CEP57: variants seen among roughly 807,000 people sequenced by gnomAD.
CEP57 encodes the protein centrosomal protein 57, also known as centrosomal protein of 57 kDa.
A neutral mutation model predicts 68.0 loss-of-function variants in CEP57; 40 were observed. The ratio of observed to expected loss-of-function variants is 0.59; its 90% confidence interval spans 0.46 to 0.77. The LOEUF (loss-of-function observed/expected upper bound fraction) is 0.77, where lower values mean the gene tolerates loss of function less well. CEP57 is among the 30% of genes least tolerant of loss of function. The pLI, the probability that CEP57 is intolerant of heterozygous loss-of-function variation, is 0.00. For missense variants in CEP57, 606 were observed against 580.7 expected, an observed-to-expected ratio of 1.04 and a Z score of -0.45; for synonymous variants, 219 against 198.7, an observed-to-expected ratio of 1.10 and a Z score of -0.86.
In CEP57 at chr11:95,827,942, G is replaced by A. The variant is rs1331172869; in HGVS notation, c.1042G>A (p.Val348Ile). ...SRGGKSKKLS[V>I]TPPSSNGINE... ...AGGTGGTAAAAGTAAGAAGTTGTCA[G>A]TAACACCTCCCTCCTCCAACGGTAT... Residue 348 changes from valine (V) to isoleucine (I), a missense_variant, in exon 9 of 11, where the codon GTA becomes ATA. Val to Ile is a conservative substitution (Grantham distance 29). Transcript: ENST00000325542. 1 of 1,614,030 alleles carries A rather than the reference G, an allele frequency of 6.2e-7. No individual in the cohort carries two copies. The highest frequency in any genetic ancestry group is 1.1e-5 in the South Asian group (1 of 91,072).
chr11:95,791,766 G>T (rs1174760932), intron 1 of CEP57, among the ~76,000 whole-genome samples: 1 of 152,208 alleles, frequency 6.6e-6, no homozygotes, highest in Admixed American at 6.5e-5. Context: ...CTTGTCCCAA[G>T]AGTAGAGAAA....
At position 95,804,041 on chromosome 11, in the gene CEP57, A is replaced by G. The variant is rs560325040; in HGVS notation, c.202+4653A>G. 2.2e-3 allele frequency among the ~76,000 whole-genome samples: 340 copies of G among 152,324 alleles called. 1 individual carries two copies. Among genetic ancestry groups the G allele is most frequent in the Non-Finnish European group, 3.6e-3 (247 of 68,022 alleles). On this transcript the variant is annotated intron_variant, in intron 2 of 10. Coordinates refer to ENST00000325542, the MANE Select transcript of CEP57 (RefSeq NM_014679.5). ...CAAAATAAAAGAAAAATTTCAGGAA[A>G]CAAAATTAGGAAATACAAAATATAA...
Position 95,825,222 on chromosome 11 carries a change from A to G in CEP57, c.886-2564A>G, listed in dbSNP as rs889078517. Among the ~76,000 whole-genome samples, 5 of 152,362 alleles carry G rather than the reference A, an allele frequency of 3.3e-5. No individual in the cohort carries two copies. In the East Asian group the frequency reaches 7.7e-4, roughly 24 times the overall value. ...GAGGGTCTGGAAGGATTACAGTTGA[A>G]GATGATGCCATCATTTTTATAGAAA... On this transcript the variant is annotated intron_variant, in intron 8 of 10. Transcript: ENST00000325542.
intron 2 of CEP57, among the ~76,000 whole-genome samples, chr11:95,804,319 C>A (rs1041180754): frequency 2.6e-5 from 4 of 152,004 alleles, no homozygotes; most frequent in Non-Finnish European, 5.9e-5. Context: ...AGGAGAAATA[C>A]CCAAGTACAG....
chr11:95,822,068 C>G, intron 7 of CEP57, 90 bp downstream of exon 7: 1 of 841,536 alleles, frequency 1.2e-6, no homozygotes, highest in Non-Finnish European at 2.0e-6. Flanking sequence ...GTACTACAAC[C>G]TTGAGAGAGT....
chr11:95,820,915 T>C (rs1344820092), intron 6 of CEP57, among the ~76,000 whole-genome samples: 2 of 152,144 alleles, frequency 1.3e-5, no homozygotes, highest in African/African-American at 2.4e-5. Context: ...TCCTTTGTCA[T>C]GGAATAGATT....
At chr11:95,813,328 A>C in intron 3 of CEP57, 140 bp from the exon 4 acceptor site, 1 of 1,100,450 alleles carries the variant, frequency 9.1e-7, no homozygotes. Context: ...AGAAAGAATG[A>C]TTTAGGTAAT....
chr11:95,812,875 A>G, intron 2 of CEP57, 57 bp from the exon 3 acceptor site: 1 of 1,472,200 alleles, frequency 6.8e-7, no homozygotes, highest in Non-Finnish European at 9.5e-7. Flanking sequence ...TTCTTTCTTA[A>G]TATACTTTCT....
At chr11:95,807,412 A>C (rs1237891284) in intron 2 of CEP57, among the ~76,000 whole-genome samples, 1 of 152,216 alleles carries the variant, frequency 6.6e-6, no homozygotes, top group East Asian at 1.9e-4. Context: ...GGTGATAACA[A>C]ACTTCTCTGA....
Position 95,799,287 on chromosome 11 carries a change from C to G in CEP57, c.101C>G (p.Ser34Cys), listed in dbSNP as rs763685508. ...GGAAGCATGGTTCGGCATTCTTCAT[C>G]TCCATATGTAGTATATCCTTCGGAT... ...SNGSMVRHSS[S>C]PYVVYPSDKP... The change falls in exon 2 of 11, where the codon TCT becomes TGT. Residue 34 changes from serine to cysteine, a missense_variant. Physicochemically the swap from Ser to Cys is moderately radical, Grantham distance 112 (BLOSUM62 -1). Transcript: ENST00000325542. The G allele has an allele frequency of 6.2e-7, 1 of 1,614,104 alleles. No individual in the cohort carries two copies. Among genetic ancestry groups the G allele is most frequent in the Non-Finnish European group, 8.5e-7 (1 of 1,179,940 alleles).
rs554185331 is a variant in CEP57, at chr11:95,801,160, G to A, written c.202+1772G>A. ...GACTGATTGTACAGTAAAATACCAAGTAGGTAATGATATCCAAATACCAGC... is the reference window on the plus strand; with the variant it reads ...GACTGATTGTACAGTAAAATACCAAATAGGTAATGATATCCAAATACCAGC... On this transcript the variant is annotated intron_variant, in intron 2 of 10. Coordinates refer to ENST00000325542, the MANE Select transcript of CEP57 (RefSeq NM_014679.5). Among the ~76,000 whole-genome samples the A allele has an allele frequency of 5.3e-5, 8 of 152,270 alleles. No homozygotes were observed. In the South Asian group the frequency reaches 1.7e-3, roughly 32 times the overall value.
chr11:95,806,008 A>G (rs1250737281), intron 2 of CEP57, among the ~76,000 whole-genome samples: 2 of 152,238 alleles, frequency 1.3e-5, no homozygotes, highest in Non-Finnish European at 2.9e-5. Flanking sequence ...CTGTCCAAGT[A>G]TATAAAGAAA....
chr11:95,813,702 T>G, intron 4 of CEP57, 113 bp downstream of exon 4: 1 of 1,255,220 alleles, frequency 8.0e-7, no homozygotes, highest in Non-Finnish European at 1.1e-6. Context: ...AGCCCAGGAC[T>G]GAAATTTCTT....
In CEP57 at chr11:95,813,859, G is replaced by A. The variant is rs113315332; in HGVS notation, c.504+270G>A. On this transcript the variant is annotated intron_variant, in intron 4 of 10. Transcript: ENST00000325542. ...TCTTTGAGTCTACATTATAAAAAGT[G>A]TAAATAACCATATACCTCTGTATCT... is the stretch of plus-strand genomic sequence containing the variant. 2.0e-4 allele frequency among the ~76,000 whole-genome samples: 30 copies of A among 152,270 alleles called. 1 individual carries two copies. Among genetic ancestry groups the A allele is most frequent in the African/African-American group, 6.7e-4 (28 of 41,546 alleles).
Position 95,799,350 on chromosome 11 carries a change from G to A in CEP57, c.164G>A (p.Ser55Asn). The stretch of plus-strand genomic sequence containing the variant: ...AATAGTGATCTACGACGCTCCCCAA[G>A]TAAGCCTACACTTGCCTATCCAGAA... ...FLNSDLRRSP[S>N]KPTLAYPESN... Residue 55 changes from serine to asparagine, a missense_variant, in exon 2 of 11, where the codon AGT becomes AAT. Transcript: ENST00000325542. The A allele has an allele frequency of 6.2e-7, 1 of 1,614,020 alleles. No individual in the cohort carries two copies.
At position 95,817,873 on chromosome 11, in the gene CEP57, C is replaced by T; in HGVS notation, c.591C>T (p.Asn197=). 6.2e-7 allele frequency: 1 copy of T among 1,613,090 alleles called. No individual in the cohort carries two copies. The highest frequency in any genetic ancestry group is 8.5e-7 in the Non-Finnish European group (1 of 1,179,238). The change falls in exon 5 of 11, where the codon AAC becomes AAT. Residue 197 remains asparagine (N), a synonymous_variant. Transcript: ENST00000325542. Reference sequence around the variant, plus strand: ...TGGATCTTCTTGAACAGGAGTATAACAAACTTACCACAATGCAGGCCCTTG... The same window carrying T: ...TGGATCTTCTTGAACAGGAGTATAATAAACTTACCACAATGCAGGCCCTTG... ...EKLDLLEQEY[N]KLTTMQALAE...
At chr11:95,818,682 C>A in intron 5 of CEP57, 145 bp from the exon 6 acceptor site, 1 of 651,734 alleles carries the variant, frequency 1.5e-6, no homozygotes, top group South Asian at 1.7e-5. Flanking sequence ...TGGATGCCAT[C>A]CAGCTCACAG....
In CEP57 at chr11:95,818,751, C is replaced by T. The variant is rs574499415; in HGVS notation, c.622-76C>T. On this transcript the variant is annotated intron_variant, in intron 5 of 10. Coordinates refer to ENST00000325542, the MANE Select transcript of CEP57 (RefSeq NM_014679.5). ...TTGAGTAGGATAAAATTTACATGTTCCAGTGCTGCTATATTAAAATTTTAC... is the reference window on the plus strand; with the variant it reads ...TTGAGTAGGATAAAATTTACATGTTTCAGTGCTGCTATATTAAAATTTTAC... 2.2e-5 allele frequency: 24 copies of T among 1,092,188 alleles called. No homozygotes were observed. In the South Asian group the frequency reaches 2.8e-4, roughly 13 times the overall value. 67.7% of individuals were successfully genotyped at this position (1,092,188 alleles called of 1,614,324 possible). A position where few individuals can be genotyped will look rare whatever the true frequency, so the allele number is the denominator to read the frequency against.
intron 7 of CEP57, 190 bp from the exon 8 acceptor site, chr11:95,822,309 C>T (rs1025730348): frequency 1.7e-6 from 1 of 600,042 alleles, no homozygotes; most frequent in East Asian, 2.8e-5. Flanking sequence ...GCTTTTTTCC[C>T]CCCAGCCTTT....
Sources: allele counts gnomAD v4.1 joint callset (sites outside exome capture counted in the v4.1 genomes callset), GRCh38; gene constraint gnomAD v4.1.1; transcripts MANE v1.5; gene names NCBI Gene and HGNC (gene_info 2026-07-23, HGNC 2026-07-21).